ARHGAP35: variants seen among roughly 807,000 people sequenced by gnomAD.
ARHGAP35 encodes Rho GTPase activating protein 35, also known as rho GTPase-activating protein 35.
Under a neutral mutation model 111.1 loss-of-function variants are expected in ARHGAP35, and 15 were observed. That is an observed-to-expected ratio of 0.13 (90% confidence interval 0.09 to 0.21). The LOEUF is 0.21. ARHGAP35 is among the 10% of genes least tolerant of loss of function. The pLI, the probability that ARHGAP35 is intolerant of heterozygous loss-of-function variation, is 1.00. For synonymous variants in ARHGAP35, 643 were observed against 710.3 expected (o/e 0.91, Z 1.51); for missense variants, 1,262 against 1,873.0 (o/e 0.67, Z 6.02).
At chr19:46,957,617 T>A (rs1432831850) in intron 3 of ARHGAP35, among the ~76,000 whole-genome samples, 2 of 152,130 alleles carry the variant, frequency 1.3e-5, no homozygotes, top group African/African-American at 4.8e-5. Flanking sequence ...ATCTCAAAAA[T>A]AAATAAATAA....
chr19:46,980,766 AT>A (rs1463248007), intron 3 of ARHGAP35, among the ~76,000 whole-genome samples: 1 of 152,208 alleles, frequency 6.6e-6, no homozygotes, highest in Non-Finnish European at 1.5e-5. Context: ...CAGGGGCAGG[AT>A]TCGAACCCAT....
chr19:46,863,634 G>C (rs147803528), intron 1 of ARHGAP35, among the ~76,000 whole-genome samples: 2 of 152,062 alleles, frequency 1.3e-5, no homozygotes, highest in African/African-American at 4.8e-5. Context: ...GCAACCCTAG[G>C]AGTGTCCTTC....
Position 46,920,965 on chromosome 19 carries a change from A to T in ARHGAP35, c.2290A>T (p.Asn764Tyr). 1 of 1,613,996 alleles carries T rather than the reference A, an allele frequency of 6.2e-7. No individual in the cohort carries two copies. Among genetic ancestry groups the T allele is most frequent in the Non-Finnish European group, 8.5e-7 (1 of 1,179,890 alleles). The part of the protein sequence containing the change: ...VLKGLLDSKR[N>Y]LNLVSSTASI... ...GAAGGGACTCCTGGACTCTAAGCGTAACTTAAACCTGGTCAGTTCTACTGC... is the reference window on the plus strand; with the variant it reads ...GAAGGGACTCCTGGACTCTAAGCGTTACTTAAACCTGGTCAGTTCTACTGC... Residue 764 changes from asparagine to tyrosine, a missense_variant, in exon 2 of 7, where the codon AAC becomes TAC. By Grantham distance (143) the Asn-to-Tyr change is moderately radical. Around this residue, in one of 8 missense-constraint regions of ARHGAP35, gnomAD observed 579 missense variants for 716.9 expected, o/e 0.81. Coordinates refer to ENST00000672722, the MANE Select transcript of ARHGAP35 (RefSeq NM_004491.5). The surrounding 1 kb of genome is among the most constrained non-coding windows in gnomAD (Gnocchi z 7.0).
intron 1 of ARHGAP35, among the ~76,000 whole-genome samples, chr19:46,873,449 T>C (rs1036822227): frequency 4.6e-5 from 7 of 151,788 alleles, no homozygotes; most frequent in African/African-American, 1.2e-4. Flanking sequence ...CTAGCCAACA[T>C]TGGTGAAACC....
At chr19:46,934,729 GCACGATCT>G (rs1438467360) in intron 2 of ARHGAP35, among the ~76,000 whole-genome samples, 2 of 152,062 alleles carry the variant, frequency 1.3e-5, no homozygotes, top group Non-Finnish European at 2.9e-5. Flanking sequence ...GAGTGCAGTG[GCACGATCT>G]CAGCTCACTA....
chr19:46,937,817 G>T (rs1016193139), intron 3 of ARHGAP35, among the ~76,000 whole-genome samples: 5 of 152,120 alleles, frequency 3.3e-5, no homozygotes, highest in Non-Finnish European at 5.9e-5. Flanking sequence ...ATACATTTTG[G>T]TTTAGTAAAA....
intron 1 of ARHGAP35, among the ~76,000 whole-genome samples, chr19:46,900,519 C>G (rs2056079275): frequency 6.6e-6 from 1 of 152,268 alleles, no homozygotes; most frequent in South Asian, 2.1e-4. Flanking sequence ...CCATGCCCAG[C>G]CTTTATTAGC....
intron 1 of ARHGAP35, among the ~76,000 whole-genome samples, chr19:46,897,691 T>G (rs1555755479): frequency 2.0e-5 from 2 of 100,306 alleles, no homozygotes; most frequent in Non-Finnish European, 4.5e-5. Context: ...GCTAGATCTT[T>G]AACCAAAAAA....
intron 5 of ARHGAP35, among the ~76,000 whole-genome samples, chr19:46,991,297 CG>C (rs2056677777): frequency 6.6e-6 from 1 of 152,206 alleles, no homozygotes; most frequent in South Asian, 2.1e-4. Flanking sequence ...TGCTGGAAGC[CG>C]GGAATTCCTG....
intron 3 of ARHGAP35, among the ~76,000 whole-genome samples, chr19:46,956,956 CTTTTTT>C (rs11449203): frequency 9.3e-6 from 1 of 107,618 alleles, no homozygotes; most frequent in Non-Finnish European, 1.8e-5. Flanking sequence ...TTAAAGCAGA[CTTTTTT>C]TTTTTTTTTT....
intron 1 of ARHGAP35, among the ~76,000 whole-genome samples, chr19:46,875,902 TG>T (rs576246223): frequency 6.6e-6 from 1 of 152,270 alleles, no homozygotes. Context: ...TATCAGAAAG[TG>T]TCTCATACAC....
intron 1 of ARHGAP35, among the ~76,000 whole-genome samples, chr19:46,882,960 T>C (rs1239250266): frequency 6.6e-6 from 1 of 152,254 alleles, no homozygotes; most frequent in Admixed American, 6.5e-5. Flanking sequence ...GAGGCCCAGC[T>C]TTCAGCCCCT....
intron 1 of ARHGAP35, among the ~76,000 whole-genome samples, chr19:46,861,744 C>T (rs530390625): frequency 1.3e-5 from 2 of 152,238 alleles, no homozygotes; most frequent in South Asian, 2.1e-4. Flanking sequence ...CCTTCTTTGA[C>T]CTACCTTCTG....
chr19:46,873,636 CA>C lies in ARHGAP35; in HGVS notation c.-189+12441del, dbSNP rs370925647. Among the ~76,000 whole-genome samples the C allele has an allele frequency of 8.0e-3, 1,052 of 131,746 alleles. 7 individuals are homozygous for C. The highest frequency in any genetic ancestry group is 0.023 in the Middle Eastern group (6 of 260). 86.4% of individuals were successfully genotyped at this position (131,746 alleles called of 152,430 possible). On this transcript the variant is annotated intron_variant, in intron 1 of 6. Coordinates refer to ENST00000672722, the MANE Select transcript of ARHGAP35 (RefSeq NM_004491.5). ...TGGCTGACAGAGCGAGACTCTTTCTCAAAAAAAAAAAAAAGCCGTCGGTCAA... is the reference window on the plus strand; with the variant it reads ...TGGCTGACAGAGCGAGACTCTTTCTCAAAAAAAAAAAAAGCCGTCGGTCAA...
intron 3 of ARHGAP35, among the ~76,000 whole-genome samples, chr19:46,971,458 A>C (rs1275019081): frequency 6.7e-6 from 1 of 148,470 alleles, no homozygotes; most frequent in Non-Finnish European, 1.5e-5. Context: ...GGGTGTAATG[A>C]CTCCCTTGGT....
At chr19:46,917,680 A>G (rs894896596) in intron 1 of ARHGAP35, among the ~76,000 whole-genome samples, 1 of 152,128 alleles carries the variant, frequency 6.6e-6, no homozygotes, top group African/African-American at 2.4e-5. Context: ...TTATCCATTC[A>G]TGAGTAGGTG....
intron 3 of ARHGAP35, among the ~76,000 whole-genome samples, chr19:46,938,823 A>G (rs999019230): frequency 6.6e-6 from 1 of 151,446 alleles, no homozygotes; most frequent in Non-Finnish European, 1.5e-5. Context: ...ATGCCCGGCT[A>G]ATTTTTGTAT....
chr19:46,931,398 G>T (rs1294906905), intron 2 of ARHGAP35, among the ~76,000 whole-genome samples: 2 of 152,098 alleles, frequency 1.3e-5, no homozygotes, highest in African/African-American at 4.8e-5. Context: ...CTTGGACAGG[G>T]TCTGTGGACT....
rs1318979482 is a variant in ARHGAP35 at position 47,000,823 on chromosome 19, G to A, written c.*135G>A. 3.3e-5 allele frequency: 51 copies of A among 1,541,758 alleles called. No homozygotes were observed. Among genetic ancestry groups the A allele is most frequent in the Non-Finnish European group, 4.3e-5 (49 of 1,146,788 alleles). ...TCCCCATTACCTTCTCAAGACCTCA[G>A]TGGGAGCACCAGCCAATGGTACCAT... On this transcript the variant is annotated 3_prime_UTR_variant, in exon 7 of 7. Coordinates refer to ENST00000672722, the MANE Select transcript of ARHGAP35 (RefSeq NM_004491.5). This position sits in a 1 kb window ranked among gnomAD's most constrained non-coding sequence, Gnocchi z 6.9.
Sources: allele counts gnomAD v4.1 joint callset (sites outside exome capture counted in the v4.1 genomes callset), GRCh38; gene constraint gnomAD v4.1.1; regional missense constraint gnomAD v4.1.1; non-coding constraint Gnocchi (gnomAD v3.1); transcripts MANE v1.5; gene names NCBI Gene and HGNC (gene_info 2026-07-23, HGNC 2026-07-21).